SCART1: variants seen among roughly 807,000 people sequenced by gnomAD.
The protein encoded by SCART1 is scavenger receptor cysteine-rich domain-containing protein SCART1.
A neutral mutation model predicts 36.2 loss-of-function variants in SCART1; 62 were observed. That is an observed-to-expected ratio of 1.71 (90% CI 1.40 to 2.12). The LOEUF is 2.12. Among genes scored for constraint, SCART1 ranks in the 30% most tolerant of loss-of-function variants. The probability of loss-of-function intolerance (pLI) is 0.00; values close to 1 mark genes in which losing one functional copy is unlikely to be tolerated. For missense variants in SCART1, 1,041 were observed against 540.5 expected, an observed-to-expected ratio of 1.93 and a Z score of -9.18; for synonymous variants, 487 against 238.7, an observed-to-expected ratio of 2.04 and a Z score of -9.59.
chr10:133,465,577 G>T lies in SCART1; in HGVS notation c.2659+12G>T. ...CGTGCGCTGCTGGGGTGAGTGGGGG[G>T]CGGTGGGAAGTCGGTCATGGGGCCG... is the stretch of plus-strand genomic sequence containing the variant. On this transcript the variant is annotated intron_variant, in intron 9 of 11. Coordinates refer to ENST00000640237, the Ensembl canonical transcript of SCART1. 3.5e-6 allele frequency: 2 copies of T among 572,610 alleles called. No homozygotes were observed. The highest frequency in any genetic ancestry group is 6.1e-6 in the Non-Finnish European group (2 of 326,404). 35.5% of individuals were successfully genotyped at this position (572,610 alleles called of 1,614,324 possible).
At position 133,460,471 on chromosome 10, in the gene SCART1, C is replaced by CATATATATATATATATATATATATATAT. The variant is rs55751015; in HGVS notation, c.1969+319_1969+320insATATATATATATATATATATATATATAT. Among the ~76,000 whole-genome samples, 137 of 136,392 alleles carry CATATATATATATATATATATATATATAT rather than the reference C, an allele frequency of 1.0e-3. 2 individuals carry two copies. The highest frequency in any genetic ancestry group is 3.6e-3 in the African/African-American group (129 of 35,434). The allele number at this position is 136,392 out of a possible 152,430, so 89.5% of individuals were successfully genotyped here. A position where few individuals can be genotyped will look rare whatever the true frequency, so the allele number is the denominator to read the frequency against. ...GCGCTTGAAGTTTCCATCCGAAATT[C>CATATATATATATATATATATATATATAT]ATATATATATATATATATTTATATA... On this transcript the variant is annotated intron_variant, in intron 6 of 11. Coordinates refer to ENST00000640237, the Ensembl canonical transcript of SCART1.
At chr10:133,468,877 AT>A (rs1426241197) in exon 12 of SCART1, 1 of 151,970 alleles carries the variant, frequency 6.6e-6, no homozygotes, top group South Asian at 2.1e-4. Flanking sequence ...ATGATGTGTA[AT>A]TTTTTTCTTT....
rs1356822561 is a variant in SCART1, at chr10:133,456,614, A to AGGAGGAGTG, written c.385+66_385+67insGTGGGAGGA. Reference sequence around the variant, plus strand: ...GAGGAGGAGGAGTGGGAGGACGAGGAGGAGGACTGGGAGGACGCAGAGGAG... The same window carrying AGGAGGAGTG: ...GAGGAGGAGGAGTGGGAGGACGAGGAGGAGGAGTGGGAGGACTGGGAGGACGCAGAGGAG... On this transcript the variant is annotated intron_variant, in intron 2 of 11. Coordinates refer to ENST00000640237, the Ensembl canonical transcript of SCART1. The AGGAGGAGTG allele has an allele frequency of 4.9e-6, 3 of 607,088 alleles. No individual in the cohort carries two copies. In the African/African-American group the frequency reaches 5.5e-5, roughly 11 times the overall value. 37.6% of individuals were successfully genotyped at this position (607,088 alleles called of 1,614,324 possible).
At chr10:133,464,807 A>G in exon 7 of SCART1, 1 of 702,606 alleles carries the variant, frequency 1.4e-6, no homozygotes, top group East Asian at 2.7e-5. Context: ...GGGCACCGGG[A>G]CCGCCTGGGT....
chr10:133,464,329 G>GC (rs370602097), intron 6 of SCART1: 12 of 312,220 alleles, frequency 3.8e-5, no homozygotes, highest in African/African-American at 1.9e-4. Flanking sequence ...GAACCTGGGC[G>GC]TGCAGTGAAC....
At position 133,466,101 on chromosome 10, in the gene SCART1, C is replaced by T. The variant is rs1564836120; in HGVS notation, c.2660-134C>T. The T allele has an allele frequency of 4.8e-6, 3 of 627,204 alleles. No individual in the cohort carries two copies. In the East Asian group the frequency reaches 8.2e-5, roughly 17 times the overall value. 38.9% of individuals were successfully genotyped at this position (627,204 alleles called of 1,614,324 possible). On this transcript the variant is annotated intron_variant, in intron 9 of 11. Coordinates refer to ENST00000640237, the Ensembl canonical transcript of SCART1. ...CTGCACAGCTGAAACCAGCAGATGC[C>T]CCCCCAGCACTTCCGACTCGCAGGT...
chr10:133,468,132 A>T, exon 12 of SCART1: 1 of 529,506 alleles, frequency 1.9e-6, no homozygotes, highest in Non-Finnish European at 3.4e-6. Flanking sequence ...CCTGGCTCTA[A>T]ACCTCATCCC....
At chr10:133,456,260 G>A (rs1050629786) in exon 2 of SCART1, 2 of 702,724 alleles carry the variant, frequency 2.8e-6, no homozygotes, top group South Asian at 1.5e-5. Context: ...TCTGAGGCTG[G>A]CGTACAGACA....
Position 133,467,843 on chromosome 10 carries a change from C to A in SCART1, c.2963-4C>A. 1 of 677,424 alleles carries A rather than the reference C, an allele frequency of 1.5e-6. No individual in the cohort carries two copies. Among genetic ancestry groups the A allele is most frequent in the Non-Finnish European group, 2.7e-6 (1 of 367,802 alleles). 42.0% of individuals were successfully genotyped at this position (677,424 alleles called of 1,614,324 possible). A position where few individuals can be genotyped will look rare whatever the true frequency, so the allele number is the denominator to read the frequency against. On this transcript the variant is annotated splice_polypyrimidine_tract_variant and splice_region_variant and intron_variant, in intron 11 of 11. Transcript: ENST00000640237. ...ATTTGGTCACGCGGTGTCTCTTGCG[C>A]CAGTTTCAGGGGAGGTGTCTAACCT... is the stretch of plus-strand genomic sequence containing the variant.
chr10:133,465,222 C>G (rs1272743442), intron 8 of SCART1, 29 bp from the exon 9 acceptor site: 2 of 701,610 alleles, frequency 2.9e-6, no homozygotes, highest in Non-Finnish European at 5.2e-6. Context: ...CCGGTCCAGC[C>G]CCCGCAGTGA....
chr10:133,465,923 T>G (rs1044548483), intron 9 of SCART1: 1 of 673,184 alleles, frequency 1.5e-6, no homozygotes, highest in Non-Finnish European at 2.7e-6. Context: ...GCAGCAGCAG[T>G]GGTAACTTTC....
In SCART1 at chr10:133,461,441, G is replaced by A. The variant is rs7922600; in HGVS notation, c.1969+1271G>A. On this transcript the variant is annotated intron_variant, in intron 6 of 11. Transcript: ENST00000640237. ...TTACTTTAGGAACGCTTTCTTCAGC[G>A]ATATCTTGGATTATTACGTTTATTT... Among the ~76,000 whole-genome samples, 212 of 152,308 alleles carry A rather than the reference G, an allele frequency of 1.4e-3. 2 individuals are homozygous for A. The highest frequency in any genetic ancestry group is 4.1e-3 in the African/African-American group (171 of 41,552).
At chr10:133,460,655 C>T (rs1345087348) in intron 6 of SCART1, among the ~76,000 whole-genome samples, 1 of 151,750 alleles carries the variant, frequency 6.6e-6, no homozygotes, top group African/African-American at 2.4e-5. Context: ...TCAGCCTCAG[C>T]CTCCCAAGCT....
rs775352911 is a variant in SCART1, at chr10:133,466,394, C to T, written c.2806+13C>T. The T allele has an allele frequency of 2.9e-6, 2 of 699,716 alleles. No homozygotes were observed. The highest frequency in any genetic ancestry group is 5.2e-6 in the Non-Finnish European group (2 of 383,454). 43.3% of individuals were successfully genotyped at this position (699,716 alleles called of 1,614,324 possible). ...GCCATGCAGAGGGGTAAGCGTGAGC[C>T]CACCCTGATCCCATCAACTGGTGTG... On this transcript the variant is annotated intron_variant, in intron 10 of 11. Transcript: ENST00000640237.
intron 2 of SCART1, chr10:133,456,961 A>T: frequency 2.0e-6 from 1 of 507,254 alleles, no homozygotes; most frequent in Admixed American, 3.8e-5. Context: ...GCTGTCCCTC[A>T]CATTTTATGT....
exon 9 of SCART1, chr10:133,465,377 G>A (rs1850753314): frequency 1.5e-6 from 1 of 669,218 alleles, no homozygotes; most frequent in East Asian, 2.9e-5. Flanking sequence ...GAGGTCGTGT[G>A]CCGCCAGCTG....
At chr10:133,455,487 T>C (rs1850596973) in intron 1 of SCART1, among the ~76,000 whole-genome samples, 3 of 151,812 alleles carry the variant, frequency 2.0e-5, no homozygotes, top group Admixed American at 2.0e-4. Context: ...TTTCTGGGTG[T>C]GGAGAGTCCT....
chr10:133,455,558 C>G (rs1717124190), intron 1 of SCART1, among the ~76,000 whole-genome samples: 1 of 152,032 alleles, frequency 6.6e-6, no homozygotes, highest in Non-Finnish European at 1.5e-5. Context: ...CTTCCTCCTA[C>G]TGGTTGCTTC....
Position 133,456,491 on chromosome 10 carries a change from A to G in SCART1, c.322A>G (p.Ser108Gly), listed in dbSNP as rs890684899. 2.4e-5 allele frequency: 17 copies of G among 697,698 alleles called. No individual in the cohort carries two copies. In the African/African-American group the frequency reaches 2.8e-4, roughly 11 times the overall value. 43.2% of individuals were successfully genotyped at this position (697,698 alleles called of 1,614,324 possible). Residue 108 changes from serine to glycine, a missense_variant, in exon 2 of 12, where the codon AGC becomes GGC. Ser to Gly is a moderately conservative substitution (Grantham distance 56, BLOSUM62 0). Transcript: ENST00000640237. ...CAACGAGTCCTCCCTCTGGGAGTGCAGCCTTGGCTCATGGTGCCAGAGCCC... is the reference window on the plus strand; with the variant it reads ...CAACGAGTCCTCCCTCTGGGAGTGCGGCCTTGGCTCATGGTGCCAGAGCCC...
Sources: allele counts gnomAD v4.1 joint callset (sites outside exome capture counted in the v4.1 genomes callset), GRCh38; gene constraint gnomAD v4.1.1; transcripts MANE v1.5; gene names NCBI Gene and HGNC (gene_info 2026-07-23, HGNC 2026-07-21).